The following NAAA variants were observed in gnomAD, a reference collection of about 807,000 sequenced individuals.
NAAA encodes N-acylethanolamine-hydrolyzing acid amidase.
A neutral mutation model predicts 44.8 loss-of-function variants in NAAA; 39 were observed. The observed-to-expected ratio is 0.87, with a 90% CI of 0.67 to 1.14. NAAA has a LOEUF of 1.14. NAAA is among the 50% of genes most tolerant of loss of function. The probability of loss-of-function intolerance (pLI) is 0.00; values close to 1 mark genes in which losing one functional copy is unlikely to be tolerated. For missense variants in NAAA, 460 were observed against 467.8 expected (o/e 0.98, Z 0.15); for synonymous variants, 178 against 191.3 (o/e 0.93, Z 0.58).
At chr4:75,938,945 G>A (rs1727971284) in intron 2 of NAAA, among the ~76,000 whole-genome samples, 1 of 152,200 alleles carries the variant, frequency 6.6e-6, no homozygotes, top group African/African-American at 2.4e-5. Flanking sequence ...TGCCTCCTGG[G>A]TTCAAGTGAT....
intron 3 of NAAA, among the ~76,000 whole-genome samples, chr4:75,931,817 T>G (rs977633824): frequency 6.6e-6 from 1 of 152,240 alleles, no homozygotes; most frequent in South Asian, 2.1e-4. Context: ...CACAACTGAT[T>G]TTTTTTGTAA....
At chr4:75,913,562 TA>T (rs1293921113), downstream of NAAA, 5 of 586,394 alleles carry the variant, frequency 8.5e-6, no homozygotes, top group Non-Finnish European at 8.6e-6. Flanking sequence ...TGCTGACACT[TA>T]AATAACATCA....
chr4:75,912,934 C>T (rs1394832681), downstream of NAAA, among the ~76,000 whole-genome samples: 10 of 152,062 alleles, frequency 6.6e-5, no homozygotes, highest in Admixed American at 1.3e-4. Context: ...AGAAGAAACA[C>T]GAATATTCTG....
At chr4:75,925,697 G>A (rs1414653029) in intron 5 of NAAA, 38 bp downstream of exon 5, 1 of 1,568,432 alleles carries the variant, frequency 6.4e-7, no homozygotes, top group Non-Finnish European at 8.8e-7. Flanking sequence ...AGAAGGTGGA[G>A]GTGGAGTTAA....
chr4:75,936,086 A>G (rs774399798), intron 3 of NAAA, 23 bp downstream of exon 3: 3 of 1,612,656 alleles, frequency 1.9e-6, no homozygotes, highest in East Asian at 2.2e-5. Flanking sequence ...CTGATTTTTT[A>G]TCTTATATGG....
At position 75,918,762 on chromosome 4, in the gene NAAA, T is replaced by C; in HGVS notation, c.997A>G (p.Asn333Asp). 6.2e-7 allele frequency: 1 copy of C among 1,613,232 alleles called. No homozygotes were observed. Among genetic ancestry groups the C allele is most frequent in the Non-Finnish European group, 8.5e-7 (1 of 1,179,302 alleles). ...AGACATGTTTAACAAGCCACTTACTTGTTATAAACTGGAACCACCGACAAA... is the reference window on the plus strand; with the variant it reads ...AGACATGTTTAACAAGCCACTTACTCGTTATAAACTGGAACCACCGACAAA... ...QILSVVPVYN[N>D]FTIYTTVMSA... The change falls in exon 9 of 11, where the codon AAC (asparagine) becomes GAC (aspartate). Residue 333 changes from asparagine to aspartate, a missense_variant and splice_region_variant. Asn to Asp is a conservative substitution (Grantham distance 23). Transcript: ENST00000286733.
chr4:75,940,361 G>A, intron 1 of NAAA, 196 bp from the exon 2 acceptor site: 1 of 597,338 alleles, frequency 1.7e-6, no homozygotes, highest in South Asian at 2.4e-5. Flanking sequence ...CGGGGGGAAG[G>A]CGGCGGGTAA....
At chr4:75,938,663 C>G (rs2149290896) in intron 2 of NAAA, among the ~76,000 whole-genome samples, 1 of 152,280 alleles carries the variant, frequency 6.6e-6, no homozygotes, top group Admixed American at 6.5e-5. Flanking sequence ...CAGCAAGAAG[C>G]TCTAAGTATG....
In NAAA at chr4:75,936,369, G is replaced by A. The variant is rs1727720975; in HGVS notation, c.372-134C>T. 11 of 934,112 alleles carry A rather than the reference G, an allele frequency of 1.2e-5. No individual in the cohort carries two copies. The South Asian group carries it at 1.7e-4, about 14-fold the overall frequency. 57.9% of individuals were successfully genotyped at this position (934,112 alleles called of 1,614,324 possible). On this transcript the variant is annotated intron_variant, in intron 2 of 10. Coordinates refer to ENST00000286733, the MANE Select transcript of NAAA (RefSeq NM_014435.4). Reference sequence around the variant, plus strand: ...TTATAACTGATATATGTGCTATAATGCTTGTATAAGAATATAGATTAACAA... The same window carrying A: ...TTATAACTGATATATGTGCTATAATACTTGTATAAGAATATAGATTAACAA...
At chr4:75,920,895 G>C in intron 6 of NAAA, 56 bp downstream of exon 6, 2 of 1,610,662 alleles carry the variant, frequency 1.2e-6, no homozygotes, top group Non-Finnish European at 8.5e-7. Context: ...TCATTTCACC[G>C]ATTAAAAAAA....
rs1014784002 is a variant in NAAA at position 75,914,134 on chromosome 4, G to T, written c.*241C>A. The T allele has an allele frequency of 3.0e-6, 3 of 985,538 alleles. No individual in the cohort carries two copies. The highest frequency in any genetic ancestry group is 6.2e-5 in the Admixed American group (1 of 16,250). 61.0% of individuals were successfully genotyped at this position (985,538 alleles called of 1,614,324 possible). ...CCAGGATAGAAGCTTAGAGAGGATCGAGGCAAACCATGAAGGGAAGGGAAT... is the reference window on the plus strand; with the variant it reads ...CCAGGATAGAAGCTTAGAGAGGATCTAGGCAAACCATGAAGGGAAGGGAAT... On this transcript the variant is annotated 3_prime_UTR_variant, in exon 11 of 11. Coordinates refer to ENST00000286733, the MANE Select transcript of NAAA (RefSeq NM_014435.4).
At chr4:75,923,845 C>T (rs563537842) in intron 5 of NAAA, among the ~76,000 whole-genome samples, 1 of 152,200 alleles carries the variant, frequency 6.6e-6, no homozygotes, top group South Asian at 2.1e-4. Flanking sequence ...GCCCATCTTC[C>T]CTTTTCTTTG....
chr4:75,920,673 C>T, intron 7 of NAAA, 65 bp downstream of exon 7: 10 of 1,586,872 alleles, frequency 6.3e-6, no homozygotes, highest in Non-Finnish European at 8.7e-6. Context: ...GTTCCTGTGA[C>T]AGAATGGGCA....
chr4:75,911,940 TCTAAA>T (rs1335551722), downstream of NAAA, among the ~76,000 whole-genome samples: 1 of 152,166 alleles, frequency 6.6e-6, no homozygotes, highest in Non-Finnish European at 1.5e-5. Context: ...AAAGTTAAAC[TCTAAA>T]CTAAATTCCT....
downstream of NAAA, among the ~76,000 whole-genome samples, chr4:75,910,975 A>AT (rs1725304038): frequency 6.6e-6 from 1 of 152,036 alleles, no homozygotes; most frequent in African/African-American, 2.4e-5. Flanking sequence ...GTTCGGAGCA[A>AT]TTTTTTGCAG....
chr4:75,922,423 G>A (rs1726259478), intron 5 of NAAA, among the ~76,000 whole-genome samples: 1 of 151,488 alleles, frequency 6.6e-6, no homozygotes, highest in Non-Finnish European at 1.5e-5. Flanking sequence ...TTGTTTGACT[G>A]TAGGTCATAT....
At chr4:75,922,725 T>G (rs899419998) in intron 5 of NAAA, among the ~76,000 whole-genome samples, 3 of 152,230 alleles carry the variant, frequency 2.0e-5, no homozygotes, top group Non-Finnish European at 2.9e-5. Context: ...TAATCTGCCT[T>G]TTGTGAGTTG....
chr4:75,922,451 G>A (rs986549259), intron 5 of NAAA, among the ~76,000 whole-genome samples: 6 of 152,064 alleles, frequency 3.9e-5, no homozygotes, highest in African/African-American at 1.4e-4. Context: ...TTTCCAGAGA[G>A]GATCCTGCCC....
Position 75,940,905 on chromosome 4 carries a change from C to T in NAAA, c.45G>A (p.Leu15=). 1 of 1,524,454 alleles carries T rather than the reference C, an allele frequency of 6.6e-7. No homozygotes were observed. Among genetic ancestry groups the T allele is most frequent in the South Asian group, 1.2e-5 (1 of 83,020 alleles). The allele number at this position is 1,524,454 out of a possible 1,614,324, so 94.4% of individuals were successfully genotyped here. A position where few individuals can be genotyped will look rare whatever the true frequency, so the allele number is the denominator to read the frequency against. ...DREARPGLPS[L]LLLLLAGAGL... ...CGGCCCCGGCCAGCAGCAGCAGCAG[C>T]AGGGACGGAAGCCCCGGGCGCGCCT... Residue 15 remains leucine (L), a synonymous_variant, in exon 1 of 11, where the codon CTG becomes CTA. Coordinates refer to ENST00000286733, the MANE Select transcript of NAAA (RefSeq NM_014435.4).
Sources: gnomAD v4.1 joint callset for allele counts (sites outside exome capture counted in the v4.1 genomes callset) on GRCh38, gnomAD v4.1.1 for gene constraint, MANE v1.5 for transcripts, NCBI Gene and HGNC (gene_info 2026-07-23, HGNC 2026-07-21) for gene names.